The following STARD8 variants were observed in gnomAD, a reference collection of about 807,000 sequenced individuals.
STARD8 encodes the protein StAR related lipid transfer domain containing 8, also known as stAR-related lipid transfer protein 8.
STARD8 carries 25 observed loss-of-function variants against 69.4 expected under a neutral mutation model. The observed-to-expected ratio is 0.36, with a 90% CI of 0.26 to 0.50. STARD8 has a LOEUF of 0.50. STARD8 is among the 20% of genes least tolerant of loss of function. The pLI is 0.96. For missense variants in STARD8, 921 were observed against 932.5 expected, an observed-to-expected ratio of 0.99 and a Z score of 0.16; for synonymous variants, 389 against 374.6, an observed-to-expected ratio of 1.04 and a Z score of -0.45.
intron 2 of STARD8, among the ~76,000 whole-genome samples, chrX:68,673,920 T>C (rs2079746140): frequency 8.9e-6 from 1 of 112,219 alleles, no homozygotes; most frequent in African/African-American, 3.2e-5. Context: ...CTAGAATGGC[T>C]TGTTTTTTTC....
Position 68,717,704 on chromosome X carries a change from G to A in STARD8, c.790G>A (p.Ala264Thr), listed in dbSNP as rs757767955. The A allele has an allele frequency of 3.3e-5, 40 of 1,210,746 alleles. No homozygotes were observed. Among genetic ancestry groups the A allele is most frequent in the Middle Eastern group, 4.6e-4 (2 of 4,374 alleles). ...AGFYRAKNWA[A>T]TSAGGSGANT... ...ATTTTACAGGGCCAAGAACTGGGCC[G>A]CCACCTCAGCCGGTGGCAGTGGTGC... The change falls in exon 6 of 15, where the codon GCC becomes ACC. Residue 264 changes from alanine to threonine, a missense_variant. By Grantham distance (58) the Ala-to-Thr change is moderately conservative. Transcript: ENST00000374599.
chrX:68,722,289 T>C (rs1003892585), intron 11 of STARD8, 128 bp downstream of exon 11: 32 of 831,235 alleles, frequency 3.8e-5, no homozygotes, highest in Admixed American at 2.9e-4. Context: ...CCCCCAACTC[T>C]TCCCCCACAA....
intron 2 of STARD8, among the ~76,000 whole-genome samples, chrX:68,673,645 A>G (rs1315847593): frequency 8.9e-6 from 1 of 112,461 alleles, no homozygotes; most frequent in East Asian, 2.8e-4. Flanking sequence ...GATAGTTGCC[A>G]GGGTAAAAGT....
rs998559127 is a variant in STARD8 at position 68,696,618 on chromosome X, G to A, written c.80-16296G>A. ...ACAGGGGATTGGGAGTTGAACATGG[G>A]GAGCTTTAACTCCAGGCTCTGCCGC... On this transcript the variant is annotated intron_variant, in intron 2 of 14. Transcript: ENST00000374599. 2.7e-5 allele frequency among the ~76,000 whole-genome samples: 3 copies of A among 111,969 alleles called. No individual in the cohort carries two copies. The South Asian group carries it at 1.1e-3, about 42-fold the overall frequency.
intron 7 of STARD8, among the ~76,000 whole-genome samples, 191 bp downstream of exon 7, chrX:68,719,589 T>C (rs1431153673): frequency 8.9e-6 from 1 of 112,774 alleles, no homozygotes; most frequent in Non-Finnish European, 1.9e-5. Flanking sequence ...CCTCCAGCTG[T>C]ATCTTCTCCA....
At chrX:68,677,256 A>G (rs1314672715) in intron 2 of STARD8, among the ~76,000 whole-genome samples, 1 of 111,850 alleles carries the variant, frequency 8.9e-6, no homozygotes. Context: ...AGCAAATTCT[A>G]TCACCCCTTT....
chrX:68,722,330 C>T, intron 11 of STARD8, 92 bp from the exon 12 acceptor site: 2 of 895,277 alleles, frequency 2.2e-6, no homozygotes, highest in South Asian at 2.5e-5. Context: ...GTGGTAGCTG[C>T]ACCTCTCCAC....
At chrX:68,651,941 G>A (rs1317531658) in intron 1 of STARD8, among the ~76,000 whole-genome samples, 1 of 105,929 alleles carries the variant, frequency 9.4e-6, no homozygotes, top group Admixed American at 1.0e-4. Context: ...TCCACCTCCC[G>A]GGTTCAAGCG....
At position 68,715,362 on chromosome X, in the gene STARD8, G is replaced by A. The variant is rs776868335; in HGVS notation, c.220G>A (p.Gly74Arg). 8.3e-7 allele frequency: 1 copy of A among 1,206,807 alleles called. No individual in the cohort carries two copies. Among genetic ancestry groups the A allele is most frequent in the Non-Finnish European group, 1.1e-6 (1 of 892,980 alleles). Residue 74 changes from glycine (G) to arginine (R), a missense_variant, in exon 4 of 15, where the codon GGG becomes AGG. Transcript: ENST00000374599. ...CGGTTTTCTGGACGAGGACTCTTTG[G>A]GGGCCCTGTGTAGGTAGGTGGGCTG... Reference protein sequence around the residue: ...NHGFLDEDSLGALCRRLMTLN... With the variant: ...NHGFLDEDSLRALCRRLMTLN...
intron 2 of STARD8, among the ~76,000 whole-genome samples, chrX:68,704,353 A>G (rs1411817761): frequency 9.0e-6 from 1 of 111,624 alleles, no homozygotes; most frequent in Admixed American, 9.5e-5. Flanking sequence ...AGAGCCTTGA[A>G]TGCCAGGGAG....
intron 1 of STARD8, among the ~76,000 whole-genome samples, chrX:68,653,055 A>C (rs1602534791): frequency 6.5e-5 from 2 of 30,625 alleles, no homozygotes; most frequent in Non-Finnish European, 1.2e-4. Flanking sequence ...ATCACACACC[A>C]CACACACCAC....
chrX:68,699,144 C>T (rs994484460), intron 2 of STARD8, among the ~76,000 whole-genome samples: 3 of 111,767 alleles, frequency 2.7e-5, no homozygotes, highest in Admixed American at 9.5e-5. Flanking sequence ...CCCCCTGGGT[C>T]GTACCAGCCC....
intron 1 of STARD8, among the ~76,000 whole-genome samples, chrX:68,657,588 A>C (rs1009995877): frequency 1.8e-5 from 2 of 112,104 alleles, no homozygotes; most frequent in Non-Finnish European, 3.8e-5. Flanking sequence ...AGTTTTAGTT[A>C]ATCTAGAACC....
rs748895540 is a variant in STARD8 at position 68,664,639 on chromosome X, C to G, written c.46-860C>G. ...AGACCCCTCAGGCCACCTCTCTATCCCCCCACTCAATCACTCTCTACCTCA... is the reference window on the plus strand; with the variant it reads ...AGACCCCTCAGGCCACCTCTCTATCGCCCCACTCAATCACTCTCTACCTCA... On this transcript the variant is annotated intron_variant, in intron 1 of 14. Coordinates refer to ENST00000374599, the MANE Select transcript of STARD8 (RefSeq NM_001142503.3). Among the ~76,000 whole-genome samples the G allele has an allele frequency of 3.6e-5, 4 of 111,962 alleles. No homozygotes were observed. In the East Asian group the frequency reaches 1.1e-3, roughly 32 times the overall value.
intron 2 of STARD8, among the ~76,000 whole-genome samples, chrX:68,681,295 G>A (rs2079799307): frequency 9.0e-6 from 1 of 111,577 alleles, no homozygotes; most frequent in East Asian, 2.8e-4. Context: ...TCCCACTGTG[G>A]TTCCACCTGT....
At chrX:68,663,943 T>G (rs2079666642) in intron 1 of STARD8, among the ~76,000 whole-genome samples, 1 of 111,685 alleles carries the variant, frequency 9.0e-6, no homozygotes, top group South Asian at 3.8e-4. Flanking sequence ...CCATCCCTCC[T>G]CTCTCCTGTG....
intron 1 of STARD8, among the ~76,000 whole-genome samples, chrX:68,658,434 A>G (rs1334085183): frequency 1.8e-5 from 2 of 112,232 alleles, no homozygotes; most frequent in African/African-American, 6.5e-5. Flanking sequence ...AGGAGGCTGG[A>G]TTGGTTTATC....
rs202230245 is a variant in STARD8, at chrX:68,718,082, G to A, written c.1168G>A (p.Asp390Asn). 2.4e-4 allele frequency: 288 copies of A among 1,209,802 alleles called. No individual in the cohort carries two copies. Among genetic ancestry groups the A allele is most frequent in the Admixed American group, 7.9e-4 (36 of 45,835 alleles). The change falls in exon 6 of 15, where the codon GAC becomes AAC. Residue 390 changes from aspartate to asparagine, a missense_variant. Physicochemically the swap from Asp to Asn is conservative, Grantham distance 23. Coordinates refer to ENST00000374599, the MANE Select transcript of STARD8 (RefSeq NM_001142503.3). ...TGGGGGCAGCTATGCTCACCTAGAC[G>A]ACATCCTCCAGCACGTGTGGGGGCT... ...ESGGSYAHLDDILQHVWGLQQ... is the reference protein window; with the variant it reads ...ESGGSYAHLDNILQHVWGLQQ...
At chrX:68,724,158 C>T in intron 14 of STARD8, 37 bp downstream of exon 14, 2 of 1,192,560 alleles carry the variant, frequency 1.7e-6, no homozygotes, top group African/African-American at 1.7e-5. Context: ...ACCCCCTTGG[C>T]CTTGACCCCC....
Sources: gnomAD v4.1 joint callset for allele counts (sites outside exome capture counted in the v4.1 genomes callset) on GRCh38, gnomAD v4.1.1 for gene constraint, MANE v1.5 for transcripts, NCBI Gene and HGNC (gene_info 2026-07-23, HGNC 2026-07-21) for gene names.